RBMS3: variants seen among roughly 807,000 people sequenced by gnomAD.
The protein encoded by RBMS3 is RNA binding motif single stranded interacting protein 3.
A neutral mutation model predicts 66.8 loss-of-function variants in RBMS3; 27 were observed. The ratio of observed to expected loss-of-function variants is 0.40; its 90% CI spans 0.30 to 0.56. The LOEUF (loss-of-function observed/expected upper bound fraction) is 0.56. Among genes scored for constraint, RBMS3 ranks in the 20% least tolerant of loss-of-function variants. The pLI is 0.40. For missense variants in RBMS3, 513 were observed against 549.5 expected (o/e 0.93, Z 0.66); for synonymous variants, 188 against 183.0 (o/e 1.03, Z -0.22).
intron 3 of RBMS3, among the ~76,000 whole-genome samples, chr3:29,496,567 C>T (rs142311752): frequency 8.5e-5 from 13 of 152,252 alleles, no homozygotes; most frequent in South Asian, 4.1e-4. Context: ...CAGCCAAGTT[C>T]GGAAAGAATA....
At chr3:29,624,715 T>C (rs2048995456) in intron 4 of RBMS3, among the ~76,000 whole-genome samples, 1 of 152,130 alleles carries the variant, frequency 6.6e-6, no homozygotes, top group Non-Finnish European at 1.5e-5. Context: ...AAGGAGCACA[T>C]ATATGAGCAT....
At chr3:29,658,369 T>G (rs1192140579) in intron 4 of RBMS3, among the ~76,000 whole-genome samples, 2 of 152,194 alleles carry the variant, frequency 1.3e-5, no homozygotes, top group African/African-American at 4.8e-5. Context: ...ATTCTGGTTC[T>G]TTAGGCATGG....
intron 6 of RBMS3, among the ~76,000 whole-genome samples, chr3:29,796,840 G>A (rs1406686727): frequency 6.6e-6 from 1 of 151,070 alleles, no homozygotes; most frequent in East Asian, 2.0e-4. Context: ...GGCCTCCAGA[G>A]TAGCTGGGAC....
chr3:29,676,802 A>G (rs577729895), intron 4 of RBMS3, among the ~76,000 whole-genome samples: 4 of 152,188 alleles, frequency 2.6e-5, no homozygotes, highest in Non-Finnish European at 5.9e-5. Context: ...TGTAAAACAC[A>G]TGCCATTTTT....
intron 1 of RBMS3, among the ~76,000 whole-genome samples, chr3:29,348,828 C>T (rs916394259): frequency 3.3e-5 from 5 of 152,152 alleles, no homozygotes; most frequent in Non-Finnish European, 7.4e-5. Flanking sequence ...AATAATCCAT[C>T]TTTAATAAAA....
intron 4 of RBMS3, among the ~76,000 whole-genome samples, chr3:29,660,516 C>T (rs899672401): frequency 1.3e-5 from 2 of 152,226 alleles, no homozygotes; most frequent in East Asian, 3.9e-4. Context: ...GAGCTTAATT[C>T]GTTACTGATA....
rs3773107 is a variant in RBMS3, at chr3:29,759,230, A to C, written c.558-3680A>C. Among the ~76,000 whole-genome samples the C allele has an allele frequency of 3.3e-3, 500 of 152,220 alleles. 18 individuals are homozygous for C. The East Asian group carries it at 0.081, about 25-fold the overall frequency. ...CTGTTTGAAAAAAAAAAGGAAGAAGAAGCACAATTCTGTGGTGTGTTTCAA... is the reference window on the plus strand; with the variant it reads ...CTGTTTGAAAAAAAAAAGGAAGAAGCAGCACAATTCTGTGGTGTGTTTCAA... On this transcript the variant is annotated intron_variant, in intron 5 of 14. Transcript: ENST00000383767.
intron 4 of RBMS3, among the ~76,000 whole-genome samples, chr3:29,587,647 C>T (rs1393300467): frequency 1.3e-5 from 2 of 151,584 alleles, no homozygotes; most frequent in African/African-American, 4.8e-5. Flanking sequence ...AAACTGTGTG[C>T]TAAAAAAAGT....
chr3:29,376,280 G>T (rs971595288), intron 1 of RBMS3, among the ~76,000 whole-genome samples: 1 of 152,088 alleles, frequency 6.6e-6, no homozygotes, highest in Admixed American at 6.5e-5. Context: ...CATTTCTGCA[G>T]CAAACCACTC....
At chr3:29,965,039 T>A (rs773739710) in intron 12 of RBMS3, among the ~76,000 whole-genome samples, 3 of 152,160 alleles carry the variant, frequency 2.0e-5, no homozygotes, top group Non-Finnish European at 4.4e-5. Flanking sequence ...TCACTGCAAA[T>A]GCTGTTAATT....
intron 3 of RBMS3, among the ~76,000 whole-genome samples, chr3:29,564,004 CAA>C (rs549817111): frequency 4.1e-5 from 3 of 72,878 alleles, no homozygotes; most frequent in African/African-American, 8.5e-5. Context: ...GAGATGCTGT[CAA>C]AAAAAAAAAA....
chr3:29,342,458 C>T (rs1388547565), intron 1 of RBMS3, among the ~76,000 whole-genome samples: 3 of 151,974 alleles, frequency 2.0e-5, no homozygotes, highest in African/African-American at 4.8e-5. Flanking sequence ...ATTATTGGCA[C>T]CTCCCATTTC....
chr3:29,740,089 C>G lies in RBMS3; in HGVS notation c.557+212C>G, dbSNP rs186225704. Among the ~76,000 whole-genome samples the G allele has an allele frequency of 2.7e-3, 415 of 151,808 alleles. No homozygotes were observed. Among genetic ancestry groups the G allele is most frequent in the Non-Finnish European group, 4.1e-3 (281 of 67,954 alleles). On this transcript the variant is annotated intron_variant, in intron 5 of 14. Transcript: ENST00000383767. ...AATAAACTGTGCTTGTTCAAATGTACGTAGAATGTGTTTATGTGTCTTGAG... is the reference window on the plus strand; with the variant it reads ...AATAAACTGTGCTTGTTCAAATGTAGGTAGAATGTGTTTATGTGTCTTGAG...
In RBMS3 at chr3:30,007,274, G is replaced by C. The variant is rs1699827034; in HGVS notation, c.*3412G>C. 6.6e-6 allele frequency: 1 copy of C among 151,922 alleles called. No individual in the cohort carries two copies. The highest frequency in any genetic ancestry group is 2.4e-5 in the African/African-American group (1 of 41,366). 9.4% of individuals were successfully genotyped at this position (151,922 alleles called of 1,614,324 possible). A position where few individuals can be genotyped will look rare whatever the true frequency, so the allele number is the denominator to read the frequency against. On this transcript the variant is annotated 3_prime_UTR_variant, in exon 15 of 15. Transcript: ENST00000383767. ...TAGTGATTTGTTTGTTTGTTTGTTT[G>C]AGACGGAGTCTCGCTCTGTCGCCCA... is the stretch of plus-strand genomic sequence containing the variant.
intron 4 of RBMS3, among the ~76,000 whole-genome samples, chr3:29,661,038 T>C (rs2050524159): frequency 6.6e-6 from 1 of 152,212 alleles, no homozygotes. Context: ...TTACTAGCTA[T>C]CTGCAGGTTG....
intron 1 of RBMS3, among the ~76,000 whole-genome samples, chr3:29,327,769 G>A (rs1420857566): frequency 2.0e-5 from 3 of 152,082 alleles, no homozygotes; most frequent in African/African-American, 7.2e-5. Context: ...TGTCTTCCAA[G>A]GATCGCATGC....
chr3:29,338,092 A>T (rs1218288073), intron 1 of RBMS3, among the ~76,000 whole-genome samples: 1 of 152,132 alleles, frequency 6.6e-6, no homozygotes. Flanking sequence ...AGATGTAGGG[A>T]TCTGGGAACA....
intron 6 of RBMS3, among the ~76,000 whole-genome samples, chr3:29,799,970 T>G (rs2149441223): frequency 6.6e-6 from 1 of 152,300 alleles, no homozygotes; most frequent in Admixed American, 6.5e-5. Flanking sequence ...GACAACTTCA[T>G]CAAGATTTAT....
At chr3:29,798,451 G>C (rs976224991) in intron 6 of RBMS3, among the ~76,000 whole-genome samples, 1 of 151,974 alleles carries the variant, frequency 6.6e-6, no homozygotes, top group African/African-American at 2.4e-5. Flanking sequence ...GGGTGACAAA[G>C]TGGCAGGGAG....
Sources: gnomAD v4.1 joint callset for allele counts (sites outside exome capture counted in the v4.1 genomes callset) on GRCh38, gnomAD v4.1.1 for gene constraint, MANE v1.5 for transcripts, NCBI Gene and HGNC (gene_info 2026-07-23, HGNC 2026-07-21) for gene names.